POGZ: variants seen among roughly 807,000 people sequenced by gnomAD.
POGZ encodes pogo transposable element derived with ZNF domain, also known as pogo transposable element with ZNF domain.
In POGZ, 17 loss-of-function variants were observed where a neutral mutation model predicts 134.6. The observed-to-expected ratio is 0.13, with a 90% CI of 0.09 to 0.19. The LOEUF (loss-of-function observed/expected upper bound fraction) is 0.19. Ranked by LOEUF, POGZ falls within the 10% of genes least tolerant of loss-of-function variation. The probability of loss-of-function intolerance (pLI) is 1.00; values close to 1 mark genes in which losing one functional copy is unlikely to be tolerated. For missense variants in POGZ, 1,306 were observed against 1,769.7 expected (o/e 0.74, Z 4.70); for synonymous variants, 693 against 657.1 (o/e 1.05, Z -0.84).
intron 3 of POGZ, chr1:151,439,090 GC>G: frequency 6.6e-6 from 1 of 151,676 alleles, no homozygotes; most frequent in East Asian, 1.9e-4. Flanking sequence ...AATTTGACTG[GC>G]TTAAAAAAAA....
intron 18 of POGZ, 47 bp from the exon 19 acceptor site, chr1:151,406,511 T>A: frequency 2.6e-6 from 4 of 1,556,422 alleles, no homozygotes; most frequent in Non-Finnish European, 3.5e-6. Context: ...TCAGTTCAAC[T>A]AGGAAATTGA....
chr1:151,458,338 T>C (rs1219029463), intron 1 of POGZ, among the ~76,000 whole-genome samples: 1 of 151,660 alleles, frequency 6.6e-6, no homozygotes, highest in Middle Eastern at 3.2e-3. Context: ...CACCAGAAAA[T>C]AAAGATTCCC....
Position 151,405,777 on chromosome 1 carries a change from C to G in POGZ, c.3258G>C (p.Arg1086=). 6.2e-7 allele frequency: 1 copy of G among 1,614,166 alleles called. No homozygotes were observed. The highest frequency in any genetic ancestry group is 8.5e-7 in the Non-Finnish European group (1 of 1,180,012). ...MLRHHLTPHA[R]RAVAHTLPKD... ...TAGGTAGGGTGTGGGCCACAGCTCG[C>G]CGGGCATGGGGAGTCAGGTGGTGCC... is the stretch of plus-strand genomic sequence containing the variant. Residue 1086 remains arginine (R), a synonymous_variant, in exon 19 of 19, where the codon CGG becomes CGC. Transcript: ENST00000271715. The surrounding 1 kb of genome is among the most constrained non-coding windows in gnomAD (Gnocchi z 4.9).
Position 151,403,307 on chromosome 1 carries a change from T to A in POGZ, c.*1495A>T. ...ATCACATCTTGAGCATTCCCCAGTCTGTGAAAGCCTATTAAACAGGGTCAC... is the reference window on the plus strand; with the variant it reads ...ATCACATCTTGAGCATTCCCCAGTCAGTGAAAGCCTATTAAACAGGGTCAC... On this transcript the variant is annotated 3_prime_UTR_variant, in exon 19 of 19. Transcript: ENST00000271715. The A allele has an allele frequency of 1.0e-6, 1 of 985,668 alleles. No individual in the cohort carries two copies. Among genetic ancestry groups the A allele is most frequent in the Non-Finnish European group, 1.2e-6 (1 of 829,808 alleles). The allele number at this position is 985,668 out of a possible 1,614,324, so 61.1% of individuals were successfully genotyped here. A position where few individuals can be genotyped will look rare whatever the true frequency, so the allele number is the denominator to read the frequency against.
Position 151,434,552 on chromosome 1 carries a change from G to C in POGZ, c.284-3711C>G, listed in dbSNP as rs183306915. On this transcript the variant is annotated intron_variant, in intron 3 of 18. Transcript: ENST00000271715. ...ACCTCAGTGACAATTAATTCCATGA[G>C]TTTTCTTCTATACTTCAGACATCAC... 4.1e-4 allele frequency among the ~76,000 whole-genome samples: 63 copies of C among 152,296 alleles called. No homozygotes were observed. In the East Asian group the frequency reaches 8.9e-3, roughly 21 times the overall value.
chr1:151,458,595 G>A (rs1663063672), intron 1 of POGZ, among the ~76,000 whole-genome samples: 5 of 148,670 alleles, frequency 3.4e-5, no homozygotes, highest in Admixed American at 2.7e-4. Context: ...CACCCCCAGG[G>A]GCCGCTCCGC....
At chr1:151,408,656 C>G in intron 13 of POGZ, 38 bp downstream of exon 13, 1 of 1,608,202 alleles carries the variant, frequency 6.2e-7, no homozygotes, top group South Asian at 1.1e-5. Flanking sequence ...CTATTCCTCC[C>G]TCCCTGGGCC....
rs1312798265 is a variant in POGZ, at chr1:151,404,996, C to G, written c.4039G>C (p.Glu1347Gln). ...TCCTCTAGGGAGGCAATTAGCTCCT[C>G]CTGCATGTCAGCATTTCTTGTAGGT... Reference protein sequence around the residue: ...NSPTRNADMQEELIASLEEQL... With the variant: ...NSPTRNADMQQELIASLEEQL... The change falls in exon 19 of 19, where the codon GAG becomes CAG. Residue 1347 changes from glutamate to glutamine, a missense_variant. Glu to Gln is a conservative substitution (Grantham distance 29). Coordinates refer to ENST00000271715, the MANE Select transcript of POGZ (RefSeq NM_015100.4). 6.2e-7 allele frequency: 1 copy of G among 1,614,186 alleles called. No homozygotes were observed.
At chr1:151,443,383 C>T (rs1053955213) in intron 1 of POGZ, among the ~76,000 whole-genome samples, 1 of 152,122 alleles carries the variant, frequency 6.6e-6, no homozygotes, top group African/African-American at 2.4e-5. Flanking sequence ...AAAACACTGC[C>T]TAAATTACAT....
chr1:151,453,958 A>G (rs945354999), intron 1 of POGZ, among the ~76,000 whole-genome samples: 3 of 152,218 alleles, frequency 2.0e-5, no homozygotes, highest in African/African-American at 7.2e-5. Context: ...AATGGGCAGC[A>G]AATGTTGCCT....
rs553770928 is a variant in POGZ, at chr1:151,410,028, T to C, written c.1927-1200A>G. On this transcript the variant is annotated intron_variant, in intron 12 of 18. Coordinates refer to ENST00000271715, the MANE Select transcript of POGZ (RefSeq NM_015100.4). ...TGTGCAAAGGAGACTATGAGTGTAA[T>C]AGGGTACATATGTTTGTGTGCATAT... 2.6e-5 allele frequency among the ~76,000 whole-genome samples: 4 copies of C among 152,310 alleles called. No homozygotes were observed. The East Asian group carries it at 7.7e-4, about 29-fold the overall frequency.
At chr1:151,431,295 T>G (rs1658655216) in intron 3 of POGZ, among the ~76,000 whole-genome samples, 1 of 152,200 alleles carries the variant, frequency 6.6e-6, no homozygotes, top group South Asian at 2.1e-4. Context: ...GCACCCTGAC[T>G]CTCATGATTT....
Position 151,404,323 on chromosome 1 carries a change from C to T in POGZ, c.*479G>A. 2 of 985,038 alleles carry T rather than the reference C, an allele frequency of 2.0e-6. No homozygotes were observed. Among genetic ancestry groups the T allele is most frequent in the Non-Finnish European group, 2.4e-6 (2 of 829,366 alleles). 61.0% of individuals were successfully genotyped at this position (985,038 alleles called of 1,614,324 possible). A position where few individuals can be genotyped will look rare whatever the true frequency, so the allele number is the denominator to read the frequency against. On this transcript the variant is annotated 3_prime_UTR_variant, in exon 19 of 19. Transcript: ENST00000271715. Reference sequence around the variant, plus strand: ...TTGTGAGCTACATAATTTGTCTTTCCCATCTTCAGAAATGTTCTCACATTA... The same window carrying T: ...TTGTGAGCTACATAATTTGTCTTTCTCATCTTCAGAAATGTTCTCACATTA...
chr1:151,406,876 C>G, intron 17 of POGZ, 35 bp downstream of exon 17: 1 of 1,499,986 alleles, frequency 6.7e-7, no homozygotes, highest in Non-Finnish European at 9.3e-7. Context: ...TTTTTTCCTC[C>G]CCTTGCTCAA....
chr1:151,451,360 CTT>C (rs1183653362), intron 1 of POGZ, among the ~76,000 whole-genome samples: 3 of 151,560 alleles, frequency 2.0e-5, no homozygotes, highest in Non-Finnish European at 2.9e-5. Context: ...GAGTTTCACT[CTT>C]GTTGCCCAGG....
At chr1:151,435,500 T>TC (rs968204964) in intron 3 of POGZ, among the ~76,000 whole-genome samples, 2 of 150,310 alleles carry the variant, frequency 1.3e-5, no homozygotes, top group South Asian at 4.2e-4. Context: ...ATACTTTCCT[T>TC]TTTTTTTTTT....
Position 151,407,032 on chromosome 1 carries a change from G to C in POGZ, c.2433-9C>G. On this transcript the variant is annotated splice_polypyrimidine_tract_variant and intron_variant, in intron 16 of 18. Transcript: ENST00000271715. The stretch of plus-strand genomic sequence containing the variant: ...AGGCCAGCTTGATTCCACTAAAAAA[G>C]AGAATTGAGACTATGTAAGACAAAC... The C allele has an allele frequency of 6.2e-7, 1 of 1,601,412 alleles. No homozygotes were observed. Among genetic ancestry groups the C allele is most frequent in the Non-Finnish European group, 8.6e-7 (1 of 1,168,786 alleles).
chr1:151,419,689 A>C (rs905157407), intron 10 of POGZ, among the ~76,000 whole-genome samples: 2 of 149,360 alleles, frequency 1.3e-5, no homozygotes, highest in African/African-American at 5.0e-5. Flanking sequence ...AAAAAAAAAA[A>C]AAAAAACTAC....
intron 8 of POGZ, 152 bp downstream of exon 8, chr1:151,424,803 A>G (rs1657505232): frequency 1.7e-6 from 1 of 573,050 alleles, no homozygotes; most frequent in South Asian, 2.1e-5. Flanking sequence ...ATCACATTCC[A>G]AAGTACACAG....
Sources: gnomAD v4.1 joint callset for allele counts (sites outside exome capture counted in the v4.1 genomes callset) on GRCh38, gnomAD v4.1.1 for gene constraint, Gnocchi (gnomAD v3.1) non-coding constraint, MANE v1.5 for transcripts, NCBI Gene and HGNC (gene_info 2026-07-23, HGNC 2026-07-21) for gene names.